FGF12: variants seen among roughly 807,000 people sequenced by gnomAD.
The protein encoded by FGF12 is fibroblast growth factor 12B.
FGF12 carries 14 observed loss-of-function variants against 23.6 expected under a neutral mutation model. The observed-to-expected ratio is 0.59, with a 90% CI of 0.39 to 0.93. FGF12 has a LOEUF of 0.93. Ranked by LOEUF, FGF12 falls within the 40% of genes least tolerant of loss-of-function variation. FGF12 has a pLI of 0.00. For synonymous variants in FGF12, 62 were observed against 77.3 expected (o/e 0.80, Z 1.04); for missense variants, 175 against 217.8 (o/e 0.80, Z 1.24).
At chr3:192,546,907 CT>C (rs1725509639) in intron 2 of FGF12, among the ~76,000 whole-genome samples, 1 of 151,974 alleles carries the variant, frequency 6.6e-6, no homozygotes, top group Non-Finnish European at 1.5e-5. Context: ...AAAAATTAGC[CT>C]GGCATGGTGG....
At chr3:192,709,641 G>A (rs1437560444) in intron 2 of FGF12, among the ~76,000 whole-genome samples, 1 of 152,304 alleles carries the variant, frequency 6.6e-6, no homozygotes, top group South Asian at 2.1e-4. Flanking sequence ...TTCTGACCAA[G>A]TTAAGACTCT....
At chr3:192,205,380 T>G (rs1340768076) in intron 4 of FGF12, among the ~76,000 whole-genome samples, 1 of 152,084 alleles carries the variant, frequency 6.6e-6, no homozygotes, top group African/African-American at 2.4e-5. Context: ...AAGAAAAGGA[T>G]GAGAGATGAG....
chr3:192,189,620 G>A (rs1716671913), intron 4 of FGF12, among the ~76,000 whole-genome samples: 1 of 152,046 alleles, frequency 6.6e-6, no homozygotes. Context: ...AGGAAATTTG[G>A]ATATGCACAG....
intron 2 of FGF12, among the ~76,000 whole-genome samples, chr3:192,593,090 T>G (rs1418895315): frequency 6.6e-6 from 1 of 151,876 alleles, no homozygotes; most frequent in Non-Finnish European, 1.5e-5. Flanking sequence ...TAACATAGCA[T>G]CATTCTTCTG....
rs190784899 is a variant in FGF12 at position 192,413,599 on chromosome 3, T to C, written c.14-53061A>G. 2.0e-3 allele frequency among the ~76,000 whole-genome samples: 298 copies of C among 152,352 alleles called. 6 individuals carry two copies. Among genetic ancestry groups the C allele is most frequent in the Non-Finnish European group, 2.4e-4 (16 of 68,038 alleles). On this transcript the variant is annotated intron_variant, in intron 2 of 5. Transcript: ENST00000445105. ...ACAGGAAAACACACCTTATGATTCA[T>C]ACACATCATCATTCACTCTTGGAAT...
intron 2 of FGF12, among the ~76,000 whole-genome samples, chr3:192,410,600 T>C (rs1721169121): frequency 6.6e-6 from 1 of 152,186 alleles, no homozygotes; most frequent in Non-Finnish European, 1.5e-5. Flanking sequence ...TTGGACCTTA[T>C]CGTGGGCCCC....
chr3:192,561,611 C>G (rs1037555596), intron 2 of FGF12, among the ~76,000 whole-genome samples: 2 of 152,132 alleles, frequency 1.3e-5, no homozygotes, highest in East Asian at 1.9e-4. Context: ...ATCCGCCCGC[C>G]TCGGCCTCCC....
chr3:192,182,249 CTT>C (rs34614169), intron 4 of FGF12, among the ~76,000 whole-genome samples: 9 of 147,806 alleles, frequency 6.1e-5, no homozygotes, highest in East Asian at 3.9e-4. Flanking sequence ...AAGAAATAGA[CTT>C]TTTTTTTTTC....
intron 4 of FGF12, among the ~76,000 whole-genome samples, chr3:192,211,804 C>T (rs943025374): frequency 1.3e-5 from 2 of 152,004 alleles, no homozygotes; most frequent in Admixed American, 6.6e-5. Flanking sequence ...ATTAGATCTG[C>T]TGCATGGTCA....
intron 5 of FGF12, among the ~76,000 whole-genome samples, chr3:192,166,548 T>C (rs1715171388): frequency 6.6e-6 from 1 of 152,252 alleles, no homozygotes; most frequent in Admixed American, 6.5e-5. Flanking sequence ...TTGGTTTCAT[T>C]TCTGGCTTTG....
chr3:192,333,650 AT>A (rs1717240437), intron 4 of FGF12, among the ~76,000 whole-genome samples: 2 of 152,270 alleles, frequency 1.3e-5, no homozygotes, highest in South Asian at 2.1e-4. Flanking sequence ...AGTAAAAAAA[AT>A]AATTGTAATA....
At position 192,684,431 on chromosome 3, in the gene FGF12, T is replaced by A. The variant is rs531039580; in HGVS notation, c.13+42750A>T. 1.2e-4 allele frequency among the ~76,000 whole-genome samples: 18 copies of A among 152,304 alleles called. No individual in the cohort carries two copies. In the East Asian group the frequency reaches 3.5e-3, roughly 29 times the overall value. ...ACCAACTGATCAGGGTTTGTTTTTT[T>A]TTCATTTGGAAAAAGGTCAAGCAGC... On this transcript the variant is annotated intron_variant, in intron 2 of 5. Transcript: ENST00000445105.
intron 2 of FGF12, among the ~76,000 whole-genome samples, chr3:192,430,416 G>T (rs1721828313): frequency 6.6e-6 from 1 of 152,134 alleles, no homozygotes; most frequent in Non-Finnish European, 1.5e-5. Context: ...TCTGCAAGAT[G>T]AAAAAGTTTT....
At chr3:192,365,389 T>C (rs925847797) in intron 2 of FGF12, among the ~76,000 whole-genome samples, 1 of 151,860 alleles carries the variant, frequency 6.6e-6, no homozygotes, top group African/African-American at 2.4e-5. Flanking sequence ...ATCCTAGAGC[T>C]GAAAAAGAAC....
intron 2 of FGF12, among the ~76,000 whole-genome samples, chr3:192,553,077 T>C (rs1451669975): frequency 6.6e-6 from 1 of 152,178 alleles, no homozygotes; most frequent in African/African-American, 2.4e-5. Context: ...TGAGAAAATT[T>C]GTCACCAGTA....
chr3:192,614,954 C>T (rs912092772), intron 2 of FGF12, among the ~76,000 whole-genome samples: 1 of 151,856 alleles, frequency 6.6e-6, no homozygotes, highest in Non-Finnish European at 1.5e-5. Flanking sequence ...ATATCACTCT[C>T]TAAGAATTTT....
In FGF12 at chr3:192,409,293, G is replaced by T. The variant is rs1721101172; in HGVS notation, c.14-48755C>A. 6.6e-6 allele frequency among the ~76,000 whole-genome samples: 1 copy of T among 152,224 alleles called. No homozygotes were observed. The highest frequency in any genetic ancestry group is 2.4e-5 in the African/African-American group (1 of 41,470). On this transcript the variant is annotated intron_variant, in intron 2 of 5. Transcript: ENST00000445105. This position sits in a 1 kb window ranked among gnomAD's most constrained non-coding sequence, Gnocchi z 4.8. Reference sequence around the variant, plus strand: ...AGCCCCCTCAAAAGGCAGCGATGCCGAAGGTGTCCTCTCCAGCTCGGCGCC... The same window carrying T: ...AGCCCCCTCAAAAGGCAGCGATGCCTAAGGTGTCCTCTCCAGCTCGGCGCC...
chr3:192,279,994 G>T (rs958205054), intron 4 of FGF12, among the ~76,000 whole-genome samples: 1 of 152,154 alleles, frequency 6.6e-6, no homozygotes, highest in African/African-American at 2.4e-5. Context: ...ATTTACATAA[G>T]AGATAGTTTT....
intron 2 of FGF12, among the ~76,000 whole-genome samples, chr3:192,387,051 C>T (rs1720075889): frequency 6.6e-6 from 1 of 152,162 alleles, no homozygotes; most frequent in South Asian, 2.1e-4. Context: ...GGGGCAATTG[C>T]TAGCATGGCT....
Sources: allele counts gnomAD v4.1 joint callset (sites outside exome capture counted in the v4.1 genomes callset), GRCh38; gene constraint gnomAD v4.1.1; non-coding constraint Gnocchi (gnomAD v3.1); transcripts MANE v1.5; gene names NCBI Gene and HGNC (gene_info 2026-07-23, HGNC 2026-07-21).